The following AJAP1 variants were observed in gnomAD, a reference collection of about 807,000 sequenced individuals.
AJAP1 encodes adherens junctions associated protein 1, also known as adherens junction-associated protein 1.
A neutral mutation model predicts 35.0 loss-of-function variants in AJAP1; 5 were observed. The observed-to-expected ratio is 0.14, with a 90% confidence interval of 0.07 to 0.30. The LOEUF (loss-of-function observed/expected upper bound fraction) is 0.30. Among genes scored for constraint, AJAP1 ranks in the 10% least tolerant of loss-of-function variants. AJAP1 has a pLI of 1.00. For synonymous variants in AJAP1, 284 were observed against 249.3 expected (o/e 1.14, Z -1.31); for missense variants, 586 against 571.0 (o/e 1.03, Z -0.27).
In AJAP1 at chr1:4,677,280, G is replaced by A. The variant is rs145221477; in HGVS notation, c.29+21826G>A. Among the ~76,000 whole-genome samples, 1,149 of 152,294 alleles carry A rather than the reference G, an allele frequency of 7.5e-3. 16 individuals are homozygous for A. The highest frequency in any genetic ancestry group is 0.011 in the Non-Finnish European group (748 of 68,016). ...GCTGGGATGCTGCCAAGGGGGACCC[G>A]CCAGCAGACAGTCAGGGTGGGCTGC... is the stretch of plus-strand genomic sequence containing the variant. On this transcript the variant is annotated intron_variant, in intron 1 of 5. Transcript: ENST00000378191.
intron 1 of AJAP1, among the ~76,000 whole-genome samples, chr1:4,695,293 T>C (rs113252234): frequency 0.024 from 3,585 of 151,912 alleles, 136 homozygotes; most frequent in African/African-American, 0.08. Flanking sequence ...CCGTGGTGAG[T>C]GGTGGTGGCA....
intron 2 of AJAP1, among the ~76,000 whole-genome samples, chr1:4,727,806 G>A (rs1445521465): frequency 6.6e-6 from 1 of 152,230 alleles, no homozygotes; most frequent in Non-Finnish European, 1.5e-5. Context: ...GCTAGCGGGT[G>A]TCCAGGAAGT....
At chr1:4,698,285 G>A (rs959472919) in intron 1 of AJAP1, among the ~76,000 whole-genome samples, 1 of 152,126 alleles carries the variant, frequency 6.6e-6, no homozygotes, top group Non-Finnish European at 1.5e-5. Context: ...TCCCCTGAGA[G>A]CCTCTAGGGC....
intron 1 of AJAP1, among the ~76,000 whole-genome samples, chr1:4,698,218 A>G (rs2100239488): frequency 6.6e-6 from 1 of 152,142 alleles, no homozygotes; most frequent in African/African-American, 2.4e-5. Flanking sequence ...AATGTGGAAT[A>G]CTAGATGGGC....
intron 5 of AJAP1, among the ~76,000 whole-genome samples, chr1:4,779,322 T>TTTTTTC (rs930665808): frequency 1.3e-4 from 20 of 151,856 alleles, no homozygotes; most frequent in Admixed American, 7.2e-4. Context: ...GCAGGAGGCT[T>TTTTTTC]TTTTTCTTTT....
intron 2 of AJAP1, among the ~76,000 whole-genome samples, chr1:4,713,086 C>A (rs1388565926): frequency 6.6e-6 from 1 of 152,156 alleles, no homozygotes; most frequent in Non-Finnish European, 1.5e-5. Context: ...AAGATGCTTG[C>A]CCGTCTCGTG....
intron 1 of AJAP1, among the ~76,000 whole-genome samples, chr1:4,662,436 G>C (rs944996508): frequency 6.6e-6 from 1 of 152,184 alleles, no homozygotes; most frequent in Non-Finnish European, 1.5e-5. Flanking sequence ...GTTCCTGAAT[G>C]GTATCCTGAT....
rs973416713 is a variant in AJAP1, at chr1:4,734,085, G to C, written c.829+21386G>C. 6.6e-6 allele frequency among the ~76,000 whole-genome samples: 1 copy of C among 152,170 alleles called. No homozygotes were observed. The highest frequency in any genetic ancestry group is 1.5e-5 in the Non-Finnish European group (1 of 68,038). ...ACTTGGCTCAGCCCAGGAAAAGCGA[G>C]AGCGATTTGCAAAAGGCCCCTTCAA... is the stretch of plus-strand genomic sequence containing the variant. On this transcript the variant is annotated intron_variant, in intron 2 of 5. Coordinates refer to ENST00000378191, the MANE Select transcript of AJAP1 (RefSeq NM_018836.4). The surrounding 1 kb of genome is among the most constrained non-coding windows in gnomAD (Gnocchi z 4.3).
intron 1 of AJAP1, among the ~76,000 whole-genome samples, chr1:4,675,261 C>T (rs765910314): frequency 1.3e-5 from 2 of 152,170 alleles, no homozygotes; most frequent in Non-Finnish European, 2.9e-5. Context: ...AAGAATTCAC[C>T]GAAAGCCGTC....
At chr1:4,666,891 G>A (rs867318433) in intron 1 of AJAP1, among the ~76,000 whole-genome samples, 3 of 149,658 alleles carry the variant, frequency 2.0e-5, no homozygotes, top group Admixed American at 6.6e-5. Context: ...CATGAATCAC[G>A]GGAGGGTTAT....
chr1:4,773,520 A>G (rs1051231285), intron 4 of AJAP1, among the ~76,000 whole-genome samples: 1 of 152,236 alleles, frequency 6.6e-6, no homozygotes, highest in Non-Finnish European at 1.5e-5. Context: ...GCATTCTGCC[A>G]TCTGTGATAT....
chr1:4,774,557 CGGT>C lies in AJAP1; in HGVS notation c.*59_*59+2del. The stretch of plus-strand genomic sequence containing the variant: ...GGGCAGACGCCGTGTGTCTGTTTCA[CGGT>C]AGGTACCTCTCTTTGGACATTCCTG... On this transcript the variant is annotated splice_donor_variant and 3_prime_UTR_variant, in exon 5 of 6. Transcript: ENST00000378191. LOFTEE classifies it low-confidence loss of function (3UTR_SPLICE). 6.6e-7 allele frequency: 1 copy of C among 1,504,204 alleles called. No individual in the cohort carries two copies. Among genetic ancestry groups the C allele is most frequent in the Non-Finnish European group, 9.2e-7 (1 of 1,082,386 alleles). The allele number at this position is 1,504,204 out of a possible 1,614,324, so 93.2% of individuals were successfully genotyped here. A position where few individuals can be genotyped will look rare whatever the true frequency, so the allele number is the denominator to read the frequency against.
At chr1:4,690,848 T>G (rs963540550) in intron 1 of AJAP1, among the ~76,000 whole-genome samples, 2 of 152,188 alleles carry the variant, frequency 1.3e-5, no homozygotes, top group Non-Finnish European at 2.9e-5. Flanking sequence ...CGTCTATGCC[T>G]GAGTCCACCT....
rs772809472 is a variant in AJAP1, at chr1:4,787,784, C to T, written c.*5299C>T. ...GGTTCAACGTCAGCGACTTGGCCCA[C>T]GGGGCACGGGCACCTTGGGGATGCC... On this transcript the variant is annotated 3_prime_UTR_variant, in exon 6 of 6. Coordinates refer to ENST00000378191, the MANE Select transcript of AJAP1 (RefSeq NM_018836.4). The T allele has an allele frequency of 4.4e-6, 2 of 454,196 alleles. No homozygotes were observed. Among genetic ancestry groups the T allele is most frequent in the East Asian group, 7.0e-5 (1 of 14,314 alleles). The allele number at this position is 454,196 out of a possible 1,614,324, so 28.1% of individuals were successfully genotyped here. A position where few individuals can be genotyped will look rare whatever the true frequency, so the allele number is the denominator to read the frequency against.
intron 2 of AJAP1, among the ~76,000 whole-genome samples, chr1:4,732,280 T>G (rs1212591351): frequency 6.6e-6 from 1 of 152,276 alleles, no homozygotes; most frequent in South Asian, 2.1e-4. Flanking sequence ...ACTGTGCTGA[T>G]GAGGCCAGAC....
chr1:4,664,565 G>A (rs1399728674), intron 1 of AJAP1, among the ~76,000 whole-genome samples: 1 of 152,180 alleles, frequency 6.6e-6, no homozygotes, highest in East Asian at 1.9e-4. Context: ...CATCAGCTGG[G>A]GGGCCCCGGT....
chr1:4,777,618 G>C (rs977419993), intron 5 of AJAP1: 1 of 152,176 alleles, frequency 6.6e-6, no homozygotes. Context: ...TCATACAGCA[G>C]GTACACTTCA....
intron 1 of AJAP1, among the ~76,000 whole-genome samples, chr1:4,674,807 C>G (rs1334810065): frequency 6.6e-6 from 1 of 152,244 alleles, no homozygotes; most frequent in Non-Finnish European, 1.5e-5. Flanking sequence ...TTTTGGATCT[C>G]TGGCAGAAAG....
chr1:4,762,652 C>T (rs1206008507), intron 2 of AJAP1, among the ~76,000 whole-genome samples: 2 of 152,232 alleles, frequency 1.3e-5, no homozygotes, highest in East Asian at 1.9e-4. Context: ...GGTGCTCATC[C>T]TTGTGCTGTG....
Sources: allele counts gnomAD v4.1 joint callset (sites outside exome capture counted in the v4.1 genomes callset), GRCh38; gene constraint gnomAD v4.1.1; non-coding constraint Gnocchi (gnomAD v3.1); transcripts MANE v1.5; gene names NCBI Gene and HGNC (gene_info 2026-07-23, HGNC 2026-07-21).